Variants in LGR6 observed in about 807,000 individuals in gnomAD.
The protein encoded by LGR6 is leucine-rich repeat-containing G protein-coupled receptor 6.
A neutral mutation model predicts 69.4 loss-of-function variants in LGR6; 45 were observed. The ratio of observed to expected loss-of-function variants is 0.65; its 90% CI spans 0.51 to 0.83. The LOEUF (loss-of-function observed/expected upper bound fraction) is 0.83. LGR6 is among the 40% of genes least tolerant of loss of function. LGR6 has a pLI of 0.00. For synonymous variants in LGR6, 538 were observed against 555.0 expected (o/e 0.97, Z 0.43); for missense variants, 1,108 against 1,246.7 (o/e 0.89, Z 1.68).
At chr1:202,271,735 G>A (rs1665118125) in intron 4 of LGR6, among the ~76,000 whole-genome samples, 1 of 150,264 alleles carries the variant, frequency 6.7e-6, no homozygotes, top group African/African-American at 2.4e-5. Flanking sequence ...TTGAACCCGG[G>A]AGGCAGAGGT....
chr1:202,227,196 T>C (rs999161241), intron 2 of LGR6, among the ~76,000 whole-genome samples: 3 of 152,196 alleles, frequency 2.0e-5, no homozygotes, highest in South Asian at 4.1e-4. Context: ...GTCTGAGGTA[T>C]GCCAGCACAA....
At chr1:202,235,548 T>C (rs1293485314) in intron 3 of LGR6, among the ~76,000 whole-genome samples, 1 of 152,208 alleles carries the variant, frequency 6.6e-6, no homozygotes, top group African/African-American at 2.4e-5. Context: ...ACACGGAAAC[T>C]GACAACCTAC....
Position 202,313,778 on chromosome 1 carries a change from A to G in LGR6, c.1568-1024A>G, listed in dbSNP as rs564648848. Among the ~76,000 whole-genome samples, 19 of 152,374 alleles carry G rather than the reference A, an allele frequency of 1.2e-4. No homozygotes were observed. In the South Asian group the frequency reaches 3.7e-3, roughly 30 times the overall value. On this transcript the variant is annotated intron_variant, in intron 16 of 17. Transcript: ENST00000367278. ...TATTTAATACATTCATATAATGTAT[A>G]TAAAGATCAAATCAGAGTAATCGGG...
chr1:202,212,070 G>A (rs1444978175), intron 1 of LGR6, among the ~76,000 whole-genome samples: 2 of 152,154 alleles, frequency 1.3e-5, no homozygotes, highest in Non-Finnish European at 2.9e-5. Flanking sequence ...TTCCACTGTC[G>A]ATGGGCAACC....
rs746261288 is a variant in LGR6, at chr1:202,317,951, G to A, written c.1649-1G>A. The A allele has an allele frequency of 6.2e-7, 1 of 1,604,394 alleles. No homozygotes were observed. The highest frequency in any genetic ancestry group is 1.1e-5 in the South Asian group (1 of 89,316). On this transcript the variant is annotated splice_acceptor_variant, in intron 17 of 17. Coordinates refer to ENST00000367278, the MANE Select transcript of LGR6 (RefSeq NM_001017403.2). LOFTEE classifies it high-confidence loss of function. Reference sequence around the variant, plus strand: ...GGGTTAATGTCTGATCTCTCCTACAGGCCCCTTCAAGCCCTGTGAGTACCT... The same window carrying A: ...GGGTTAATGTCTGATCTCTCCTACAAGCCCCTTCAAGCCCTGTGAGTACCT...
At chr1:202,194,252 G>C in intron 1 of LGR6, 51 bp downstream of exon 1, 8 of 1,349,472 alleles carry the variant, frequency 5.9e-6, no homozygotes, top group African/African-American at 1.5e-5. Flanking sequence ...GCTGGCTAGC[G>C]CCCAGTCCCG....
At chr1:202,315,565 G>A (rs1286495691) in intron 17 of LGR6, among the ~76,000 whole-genome samples, 3 of 152,252 alleles carry the variant, frequency 2.0e-5, no homozygotes, top group African/African-American at 7.2e-5. Context: ...ACAGAAGGTG[G>A]CAAGCAGCAT....
At chr1:202,315,961 G>A (rs1014671902) in intron 17 of LGR6, among the ~76,000 whole-genome samples, 15 of 152,128 alleles carry the variant, frequency 9.9e-5, no homozygotes, top group African/African-American at 3.4e-4. Context: ...AGTCCAACTC[G>A]AGCTTGCTTC....
chr1:202,274,031 G>A (rs1665335967), intron 4 of LGR6, among the ~76,000 whole-genome samples: 1 of 152,132 alleles, frequency 6.6e-6, no homozygotes, highest in Non-Finnish European at 1.5e-5. Flanking sequence ...GTTAGGAGGA[G>A]AGTCTGGGCA....
intron 6 of LGR6, 74 bp downstream of exon 6, chr1:202,280,926 A>C: frequency 7.2e-7 from 1 of 1,383,992 alleles, no homozygotes; most frequent in Non-Finnish European, 1.0e-6. Context: ...TGGAGGGAGC[A>C]CACAGAGGGA....
At chr1:202,267,784 A>G (rs914352431) in intron 4 of LGR6, among the ~76,000 whole-genome samples, 7 of 152,224 alleles carry the variant, frequency 4.6e-5, no homozygotes, top group Admixed American at 1.3e-4. Context: ...GAAAGAGACT[A>G]TGTGTTATTC....
At chr1:202,247,618 C>A (rs578112510) in intron 4 of LGR6, among the ~76,000 whole-genome samples, 2 of 152,110 alleles carry the variant, frequency 1.3e-5, no homozygotes, top group African/African-American at 4.8e-5. Flanking sequence ...ACCTTTTGGG[C>A]GATGCAGTTG....
intron 1 of LGR6, among the ~76,000 whole-genome samples, chr1:202,223,304 G>C (rs1193991361): frequency 1.3e-5 from 2 of 152,226 alleles, no homozygotes; most frequent in African/African-American, 4.8e-5. Flanking sequence ...ACCCTGCACG[G>C]AATGTCTTCC....
intron 1 of LGR6, among the ~76,000 whole-genome samples, chr1:202,222,060 C>T (rs1660194740): frequency 6.6e-6 from 1 of 152,256 alleles, no homozygotes; most frequent in Non-Finnish European, 1.5e-5. Flanking sequence ...GTGCCTCTTG[C>T]CAGGGCTCTT....
At chr1:202,307,159 G>C (rs1262189400) in intron 13 of LGR6, among the ~76,000 whole-genome samples, 171 bp from the exon 14 acceptor site, 5 of 152,150 alleles carry the variant, frequency 3.3e-5, no homozygotes, top group East Asian at 1.9e-4. Flanking sequence ...CCTGTTCCTG[G>C]GGCCACAGCC....
chr1:202,274,291 C>A (rs1665361255), intron 4 of LGR6, among the ~76,000 whole-genome samples: 1 of 152,234 alleles, frequency 6.6e-6, no homozygotes, highest in Non-Finnish European at 1.5e-5. Flanking sequence ...TGAGTGCCAT[C>A]TGCAAACTAG....
At chr1:202,292,289 G>T (rs1453322382) in intron 6 of LGR6, among the ~76,000 whole-genome samples, 1 of 152,240 alleles carries the variant, frequency 6.6e-6, no homozygotes, top group Non-Finnish European at 1.5e-5. Flanking sequence ...GTAGCTAAGA[G>T]TGTGGGCTTC....
chr1:202,260,630 C>T (rs1664153313), intron 4 of LGR6, among the ~76,000 whole-genome samples: 1 of 152,228 alleles, frequency 6.6e-6, no homozygotes, highest in Non-Finnish European at 1.5e-5. Flanking sequence ...ATTCCCCATT[C>T]TTGAGTTCTT....
chr1:202,208,407 G>T (rs78004752), intron 1 of LGR6, among the ~76,000 whole-genome samples: 1 of 135,102 alleles, frequency 7.4e-6, no homozygotes. Flanking sequence ...GAAGGAGGGG[G>T]GAGAGAGAGA....
Sources: gnomAD v4.1 joint callset for allele counts (sites outside exome capture counted in the v4.1 genomes callset) on GRCh38, gnomAD v4.1.1 for gene constraint, MANE v1.5 for transcripts, NCBI Gene and HGNC (gene_info 2026-07-23, HGNC 2026-07-21) for gene names.